TMC1: variants seen among roughly 807,000 people sequenced by gnomAD.
TMC1 encodes transmembrane channel like 1.
Under a neutral mutation model 105.8 loss-of-function variants are expected in TMC1, and 84 were observed. That is an observed-to-expected ratio of 0.79 (90% CI 0.67 to 0.95). The LOEUF is 0.95. TMC1 is among the 40% of genes least tolerant of loss of function. The probability of loss-of-function intolerance (pLI) is 0.00; values close to 1 mark genes in which losing one functional copy is unlikely to be tolerated. For synonymous variants in TMC1, 315 were observed against 311.5 expected, an observed-to-expected ratio of 1.01 and a Z score of -0.12; for missense variants, 817 against 914.1, an observed-to-expected ratio of 0.89 and a Z score of 1.37.
intron 8 of TMC1, among the ~76,000 whole-genome samples, chr9:72,712,397 A>G (rs1296113179): frequency 3.3e-5 from 5 of 152,158 alleles, no homozygotes; most frequent in African/African-American, 7.2e-5. Flanking sequence ...CTTCCTATCC[A>G]TGAACATGGA....
intron 1 of TMC1, among the ~76,000 whole-genome samples, chr9:72,569,289 C>T (rs944265565): frequency 1.3e-5 from 2 of 151,962 alleles, no homozygotes; most frequent in African/African-American, 2.4e-5. Context: ...ATGTTCAGTA[C>T]AGATGCAACT....
At position 72,538,394 on chromosome 9, in the gene TMC1, C is replaced by CTTGTATTGTATTGTATTGTATTGTA. The variant is rs71357577; in HGVS notation, c.-428+16508_-428+16532dup. On this transcript the variant is annotated intron_variant, in intron 1 of 23. Transcript: ENST00000297784. ...AATAAATATATTTTGGGATAAAATA[C>CTTGTATTGTATTGTATTGTATTGTA]TTGTATTGTATTGTATTGTATTGTA... Among the ~76,000 whole-genome samples the CTTGTATTGTATTGTATTGTATTGTA allele has an allele frequency of 8.7e-3, 1,254 of 143,870 alleles. 14 individuals are homozygous for CTTGTATTGTATTGTATTGTATTGTA. Among genetic ancestry groups the CTTGTATTGTATTGTATTGTATTGTA allele is most frequent in the Middle Eastern group, 0.014 (4 of 286 alleles). 94.4% of individuals were successfully genotyped at this position (143,870 alleles called of 152,430 possible).
chr9:72,826,758 C>A, intron 20 of TMC1, 111 bp from the exon 21 acceptor site: 1 of 1,188,272 alleles, frequency 8.4e-7, no homozygotes, highest in Non-Finnish European at 1.2e-6. Context: ...GATTCCTACC[C>A]TGAAAGAGGA....
chr9:72,732,288 C>T lies in TMC1; in HGVS notation c.363-7831C>T, dbSNP rs573388633. Reference sequence around the variant, plus strand: ...TGAAAAATAATAAATATCAGCTGGGCAAGGTGGCTGACACCTATAATCCCA... The same window carrying T: ...TGAAAAATAATAAATATCAGCTGGGTAAGGTGGCTGACACCTATAATCCCA... On this transcript the variant is annotated intron_variant, in intron 8 of 23. Coordinates refer to ENST00000297784, the MANE Select transcript of TMC1 (RefSeq NM_138691.3). Among the ~76,000 whole-genome samples, 483 of 152,264 alleles carry T rather than the reference C, an allele frequency of 3.2e-3. 2 individuals carry two copies. Among genetic ancestry groups the T allele is most frequent in the Non-Finnish European group, 5.6e-3 (382 of 68,030 alleles).
chr9:72,648,717 T>G, intron 5 of TMC1, 53 bp downstream of exon 5: 1 of 1,505,730 alleles, frequency 6.6e-7, no homozygotes, highest in Non-Finnish European at 9.2e-7. Flanking sequence ...CTGAGAGGTA[T>G]AAAGGTATTT....
chr9:72,810,366 A>G (rs1324888075), intron 18 of TMC1, among the ~76,000 whole-genome samples: 1 of 152,164 alleles, frequency 6.6e-6, no homozygotes, highest in Admixed American at 6.5e-5. Flanking sequence ...ATGTGCATGT[A>G]TACACACACA....
intron 10 of TMC1, among the ~76,000 whole-genome samples, chr9:72,745,588 A>G (rs11791532): frequency 6.6e-6 from 1 of 152,162 alleles, no homozygotes; most frequent in South Asian, 2.1e-4. Flanking sequence ...TTTAATGATA[A>G]CCATGAGGCT....
intron 2 of TMC1, among the ~76,000 whole-genome samples, chr9:72,596,830 A>G (rs1403507212): frequency 6.6e-6 from 1 of 152,208 alleles, no homozygotes; most frequent in African/African-American, 2.4e-5. Flanking sequence ...TAACTAAAGA[A>G]AGAAAAAAGA....
intron 2 of TMC1, among the ~76,000 whole-genome samples, chr9:72,609,488 C>T (rs7861340): frequency 0.52 from 79,365 of 151,828 alleles, 21,426 homozygotes; most frequent in African/African-American, 0.67. Flanking sequence ...TGTAGTGAGC[C>T]GAGATCGTTC....
chr9:72,567,853 A>G (rs577793680), intron 1 of TMC1, among the ~76,000 whole-genome samples: 26 of 152,284 alleles, frequency 1.7e-4, no homozygotes, highest in African/African-American at 6.0e-4. Flanking sequence ...TTACCTTTGA[A>G]TCATTGTTCA....
intron 17 of TMC1, among the ~76,000 whole-genome samples, chr9:72,796,042 A>G (rs1490581092): frequency 6.6e-6 from 1 of 152,122 alleles, no homozygotes; most frequent in Non-Finnish European, 1.5e-5. Context: ...AAAAAACAAA[A>G]CACACACATG....
chr9:72,568,918 G>A (rs1186692608), intron 1 of TMC1, among the ~76,000 whole-genome samples: 2 of 152,080 alleles, frequency 1.3e-5, no homozygotes, highest in African/African-American at 4.8e-5. Context: ...AGTAAGACAC[G>A]GAATTATTAG....
chr9:72,825,816 TAA>T (rs1008685596), intron 20 of TMC1, among the ~76,000 whole-genome samples: 1 of 152,098 alleles, frequency 6.6e-6, no homozygotes. Context: ...TTATGTATCA[TAA>T]GTCTTGAAAA....
rs147650610 is a variant in TMC1 at position 72,592,068 on chromosome 9, C to G, written c.-306+14045C>G. Among the ~76,000 whole-genome samples the G allele has an allele frequency of 4.4e-3, 674 of 152,050 alleles. 3 individuals are homozygous for G. The highest frequency in any genetic ancestry group is 6.9e-3 in the Non-Finnish European group (472 of 67,994). ...AACAGCCCTTTTGCTGATCACTGAT[C>G]GAGCAAAAAAACCATCTGATGTGGT... On this transcript the variant is annotated intron_variant, in intron 2 of 23. Transcript: ENST00000297784.
chr9:72,801,343 T>G (rs1249878174), intron 17 of TMC1, among the ~76,000 whole-genome samples: 1 of 152,210 alleles, frequency 6.6e-6, no homozygotes, highest in Non-Finnish European at 1.5e-5. Context: ...AATTTTTACG[T>G]TTCATTCTGA....
At chr9:72,584,788 T>C (rs1411159899) in intron 2 of TMC1, among the ~76,000 whole-genome samples, 1 of 143,842 alleles carries the variant, frequency 7.0e-6, no homozygotes, top group Non-Finnish European at 1.5e-5. Context: ...TCTTTTCTTT[T>C]TTTTTTTTTT....
chr9:72,782,558 A>G (rs1000356342), intron 13 of TMC1, among the ~76,000 whole-genome samples: 1 of 152,220 alleles, frequency 6.6e-6, no homozygotes, highest in African/African-American at 2.4e-5. Context: ...AACCTAGAAA[A>G]CCACATAGTC....
intron 8 of TMC1, among the ~76,000 whole-genome samples, chr9:72,732,198 T>A (rs1376986404): frequency 2.0e-5 from 3 of 152,216 alleles, no homozygotes; most frequent in East Asian, 1.9e-4. Context: ...ATAATTATAA[T>A]GAGAGTATAC....
chr9:72,712,226 T>A (rs1487530184), intron 8 of TMC1, among the ~76,000 whole-genome samples: 2 of 152,174 alleles, frequency 1.3e-5, no homozygotes, highest in Admixed American at 1.3e-4. Context: ...TTGTTCTTTA[T>A]GCTTAGGATT....
Sources: gnomAD v4.1 joint callset for allele counts (sites outside exome capture counted in the v4.1 genomes callset) on GRCh38, gnomAD v4.1.1 for gene constraint, MANE v1.5 for transcripts, NCBI Gene and HGNC (gene_info 2026-07-23, HGNC 2026-07-21) for gene names.